TTYH2: variants seen among roughly 807,000 people sequenced by gnomAD.
TTYH2 encodes the protein protein tweety homolog 2.
TTYH2 carries 49 observed loss-of-function variants against 68.3 expected under a neutral mutation model. The observed-to-expected ratio is 0.72, with a 90% CI of 0.57 to 0.91. The LOEUF is 0.91. Ranked by LOEUF, TTYH2 falls within the 40% of genes least tolerant of loss-of-function variation. The pLI is 0.00. For synonymous variants in TTYH2, 272 were observed against 300.8 expected, an observed-to-expected ratio of 0.90 and a Z score of 0.99; for missense variants, 631 against 700.4, an observed-to-expected ratio of 0.90 and a Z score of 1.12.
rs148045587 is a variant in TTYH2 at position 74,246,692 on chromosome 17, C to A, written c.805-2319C>A. ...ATGAGTAATGCACACGTGTATTAGT[C>A]CATTTTCACACTGCTGATAAAGACA... On this transcript the variant is annotated intron_variant, in intron 6 of 13. Transcript: ENST00000269346. Among the ~76,000 whole-genome samples, 334 of 152,242 alleles carry A rather than the reference C, an allele frequency of 2.2e-3. 2 individuals carry two copies. The highest frequency in any genetic ancestry group is 3.2e-3 in the Non-Finnish European group (221 of 68,020).
intron 13 of TTYH2, among the ~76,000 whole-genome samples, chr17:74,254,825 C>T (rs2050676550): frequency 6.6e-6 from 1 of 152,274 alleles, no homozygotes; most frequent in South Asian, 2.1e-4. Context: ...TTTCTGTTTA[C>T]CTTAATCCTT....
At chr17:74,251,001 T>A (rs1242626401) in intron 10 of TTYH2, among the ~76,000 whole-genome samples, 1 of 152,206 alleles carries the variant, frequency 6.6e-6, no homozygotes, top group Non-Finnish European at 1.5e-5. Flanking sequence ...TGCTTGTGCG[T>A]GTGTATGGAT....
chr17:74,213,796 C>T lies in TTYH2; in HGVS notation c.129+80C>T. On this transcript the variant is annotated intron_variant, in intron 1 of 13. Transcript: ENST00000269346. The surrounding 1 kb of genome is among the most constrained non-coding windows in gnomAD (Gnocchi z 6.1). ...CCCCCTCTCCCCTCGAGAGCCTGCA[C>T]TTTCCCACGTGCCTCTCAGACCCCT... 1 of 1,531,930 alleles carries T rather than the reference C, an allele frequency of 6.5e-7. No individual in the cohort carries two copies. The highest frequency in any genetic ancestry group is 2.4e-5 in the East Asian group (1 of 40,858). The allele number at this position is 1,531,930 out of a possible 1,614,324, so 94.9% of individuals were successfully genotyped here.
chr17:74,258,626 C>T (rs547733740), intron 13 of TTYH2, among the ~76,000 whole-genome samples: 6 of 151,968 alleles, frequency 3.9e-5, no homozygotes, highest in East Asian at 2.0e-4. Flanking sequence ...CTGGAAACCA[C>T]GCTTGGAGAA....
chr17:74,225,296 G>C (rs1023402590), intron 2 of TTYH2, among the ~76,000 whole-genome samples: 1 of 152,106 alleles, frequency 6.6e-6, no homozygotes, highest in Non-Finnish European at 1.5e-5. Flanking sequence ...GTCGAGGGTC[G>C]GGGTGAGCAA....
At position 74,225,455 on chromosome 17, in the gene TTYH2, G is replaced by T. The variant is rs560028773; in HGVS notation, c.302+2798G>T. 3.3e-5 allele frequency among the ~76,000 whole-genome samples: 5 copies of T among 152,334 alleles called. No homozygotes were observed. The South Asian group carries it at 6.2e-4, about 19-fold the overall frequency. ...GGAGCCACTGCAGGGGCTCTGCAAA[G>T]AGGTAGCGTGACCCGATAACTCAAG... On this transcript the variant is annotated intron_variant, in intron 2 of 13. Coordinates refer to ENST00000269346, the MANE Select transcript of TTYH2 (RefSeq NM_032646.6).
chr17:74,246,534 C>T (rs531515251), intron 6 of TTYH2, among the ~76,000 whole-genome samples: 2 of 152,224 alleles, frequency 1.3e-5, no homozygotes, highest in East Asian at 3.9e-4. Flanking sequence ...CAGACCCACA[C>T]CTCCATTCTC....
At position 74,252,269 on chromosome 17, in the gene TTYH2, C is replaced by T. The variant is rs749016289; in HGVS notation, c.1152C>T (p.Asp384=). The change falls in exon 11 of 14, where the codon GAC becomes GAT. Residue 384 remains aspartate, a synonymous_variant. Transcript: ENST00000269346. ...ACGCTCTTGCTGGCATCTGCTACGA[C>T]GGCCTCCAGGGCTTGCTGTACCTTG... ...YLDALAGICY[D]GLQGLLYLGL... The T allele has an allele frequency of 1.8e-4, 293 of 1,613,592 alleles. 2 individuals carry two copies. Among genetic ancestry groups the T allele is most frequent in the South Asian group, 5.8e-4 (53 of 91,080 alleles).
chr17:74,235,838 G>A (rs2050437369), intron 3 of TTYH2, among the ~76,000 whole-genome samples: 1 of 149,572 alleles, frequency 6.7e-6, no homozygotes, highest in Admixed American at 6.7e-5. Context: ...AGGTTGCAGT[G>A]AGCCAAGATT....
intron 3 of TTYH2, among the ~76,000 whole-genome samples, chr17:74,234,093 C>T (rs1425852381): frequency 6.6e-6 from 1 of 152,182 alleles, no homozygotes; most frequent in Non-Finnish European, 1.5e-5. Flanking sequence ...CTTGAGCTTG[C>T]ATCAGAATCA....
At chr17:74,253,968 G>A (rs1436749936) in intron 13 of TTYH2, 135 bp downstream of exon 13, 36 of 907,754 alleles carry the variant, frequency 4.0e-5, no homozygotes, top group Admixed American at 1.3e-4. Flanking sequence ...AAACCAGACC[G>A]TCGTGGGTAT....
chr17:74,252,315 G>A lies in TTYH2; in HGVS notation c.1198G>A (p.Ala400Thr), dbSNP rs773763545. 66 of 1,613,690 alleles carry A rather than the reference G, an allele frequency of 4.1e-5. No individual in the cohort carries two copies. Among genetic ancestry groups the A allele is most frequent in the East Asian group, 8.9e-5 (4 of 44,896 alleles). ...CCTTGGCCTCTTCTCCTTCCTGGCC[G>A]CCCTCGCCTTCTCCACCATGATCTG... ...LYLGLFSFLAALAFSTMICAG... is the reference protein window; with the variant it reads ...LYLGLFSFLATLAFSTMICAG... Residue 400 changes from alanine to threonine, a missense_variant, in exon 11 of 14, where the codon GCC (alanine) becomes ACC (threonine). Transcript: ENST00000269346.
In TTYH2 at chr17:74,239,343, G is replaced by C. The variant is rs1435124252; in HGVS notation, c.635+1829G>C. On this transcript the variant is annotated intron_variant, in intron 4 of 13. Transcript: ENST00000269346. The surrounding 1 kb of genome is among the most constrained non-coding windows in gnomAD (Gnocchi z 5.3). ...CGGGCCTAGCATGGAGGAGGCACGT[G>C]GGGAGGGGAAGCATGAGTCAGGAGG... 6.6e-6 allele frequency among the ~76,000 whole-genome samples: 1 copy of C among 152,200 alleles called. No homozygotes were observed. The highest frequency in any genetic ancestry group is 1.5e-5 in the Non-Finnish European group (1 of 68,044).
intron 6 of TTYH2, chr17:74,248,075 C>A (rs1009929997): frequency 6.4e-6 from 1 of 155,628 alleles, no homozygotes; most frequent in Non-Finnish European, 1.4e-5. Flanking sequence ...TATTGTGGAC[C>A]CCTGAGGCAG....
intron 13 of TTYH2, among the ~76,000 whole-genome samples, chr17:74,257,535 A>T (rs747967154): frequency 2.0e-5 from 3 of 151,768 alleles, no homozygotes; most frequent in Non-Finnish European, 4.4e-5. Flanking sequence ...AGGTGGATAA[A>T]CTCCTCCCTC....
At position 74,241,355 on chromosome 17, in the gene TTYH2, T is replaced by C. The variant is rs1402139550; in HGVS notation, c.636-2019T>C. Reference sequence around the variant, plus strand: ...GATGGTTTGCGAGGTTCCTTCCAGCTCTGAGCTAAGTCTAAGGAAACTGGC... The same window carrying C: ...GATGGTTTGCGAGGTTCCTTCCAGCCCTGAGCTAAGTCTAAGGAAACTGGC... On this transcript the variant is annotated intron_variant, in intron 4 of 13. Transcript: ENST00000269346. This position sits in a 1 kb window ranked among gnomAD's most constrained non-coding sequence, Gnocchi z 4.1. 6.6e-6 allele frequency among the ~76,000 whole-genome samples: 1 copy of C among 151,888 alleles called. No homozygotes were observed. Among genetic ancestry groups the C allele is most frequent in the Non-Finnish European group, 1.5e-5 (1 of 67,960 alleles).
At chr17:74,244,204 C>G in intron 6 of TTYH2, 155 bp downstream of exon 6, 2 of 670,966 alleles carry the variant, frequency 3.0e-6, no homozygotes, top group Non-Finnish European at 5.0e-6. Context: ...ACCGGCCCCT[C>G]TCGTTACAGA....
intron 3 of TTYH2, among the ~76,000 whole-genome samples, chr17:74,235,538 C>T (rs1039177196): frequency 2.0e-5 from 3 of 152,190 alleles, no homozygotes; most frequent in Non-Finnish European, 4.4e-5. Flanking sequence ...CTAACCAGTA[C>T]GAGCCCTGCC....
At chr17:74,224,998 C>CAAA (rs112895924) in intron 2 of TTYH2, among the ~76,000 whole-genome samples, 22 of 123,426 alleles carry the variant, frequency 1.8e-4, no homozygotes, top group African/African-American at 4.8e-4. Flanking sequence ...GACTCCGTCT[C>CAAA]AAAAAAAAAA....
Sources: gnomAD v4.1 joint callset for allele counts (sites outside exome capture counted in the v4.1 genomes callset) on GRCh38, gnomAD v4.1.1 for gene constraint, Gnocchi (gnomAD v3.1) non-coding constraint, MANE v1.5 for transcripts, NCBI Gene and HGNC (gene_info 2026-07-23, HGNC 2026-07-21) for gene names.